Variants in ZSWIM6 observed in about 807,000 individuals in gnomAD.
ZSWIM6 encodes zinc finger SWIM domain-containing protein 6.
Under a neutral mutation model 113.2 loss-of-function variants are expected in ZSWIM6, and 9 were observed. That is an observed-to-expected ratio of 0.08 (90% CI 0.05 to 0.14). ZSWIM6 has a LOEUF of 0.14. Among genes scored for constraint, ZSWIM6 ranks in the 10% least tolerant of loss-of-function variants. The pLI, the probability that ZSWIM6 is intolerant of heterozygous loss-of-function variation, is 1.00. For synonymous variants in ZSWIM6, 611 were observed against 606.5 expected, an observed-to-expected ratio of 1.01 and a Z score of -0.11; for missense variants, 1,162 against 1,552.2, an observed-to-expected ratio of 0.75 and a Z score of 4.22.
chr5:61,365,312 A>G (rs1014199273), intron 1 of ZSWIM6, among the ~76,000 whole-genome samples: 2 of 151,438 alleles, frequency 1.3e-5, no homozygotes, highest in African/African-American at 2.4e-5. Context: ...AGATTGCACC[A>G]CTGCACTCCA....
At chr5:61,388,956 A>T (rs549002332) in intron 1 of ZSWIM6, among the ~76,000 whole-genome samples, 2 of 152,304 alleles carry the variant, frequency 1.3e-5, no homozygotes, top group Non-Finnish European at 2.9e-5. Flanking sequence ...AATATTCTAG[A>T]TCAGTGTTTC....
intron 1 of ZSWIM6, among the ~76,000 whole-genome samples, chr5:61,348,447 C>A (rs937490305): frequency 6.6e-6 from 1 of 152,048 alleles, no homozygotes; most frequent in Non-Finnish European, 1.5e-5. Context: ...TGTATAAAAA[C>A]TTTTCACATC....
At position 61,494,409 on chromosome 5, in the gene ZSWIM6, G is replaced by A. The variant is rs1748266677; in HGVS notation, c.1332G>A (p.Leu444=). ...AATACAGGCAGCTCTGGGATGAGCT[G>A]GGTAAGCATGTTTCCTCACAAATTA... The part of the protein sequence containing the change: ...TDKYRQLWDE[L]GALWMCIVLN... The change falls in exon 4 of 14, where the codon CTG becomes CTA. Residue 444 remains leucine (L), a splice_region_variant and synonymous_variant. Transcript: ENST00000252744. The A allele has an allele frequency of 1.3e-6, 2 of 1,550,684 alleles. No individual in the cohort carries two copies. The highest frequency in any genetic ancestry group is 2.7e-5 in the African/African-American group (2 of 73,064).
chr5:61,431,768 A>G (rs1746588555), intron 1 of ZSWIM6, among the ~76,000 whole-genome samples: 1 of 152,158 alleles, frequency 6.6e-6, no homozygotes, highest in Non-Finnish European at 1.5e-5. Context: ...CAAAAAAACA[A>G]AAAAAACTTT....
intron 1 of ZSWIM6, among the ~76,000 whole-genome samples, chr5:61,336,797 A>G (rs1411439206): frequency 6.6e-6 from 1 of 152,216 alleles, no homozygotes; most frequent in Non-Finnish European, 1.5e-5. Context: ...AGGGCTGAAA[A>G]CACTACAAAT....
intron 9 of ZSWIM6, among the ~76,000 whole-genome samples, chr5:61,533,048 C>G (rs1749482587): frequency 6.6e-6 from 1 of 152,196 alleles, no homozygotes; most frequent in East Asian, 1.9e-4. Flanking sequence ...AAATATGTCT[C>G]CATGTCCATT....
At chr5:61,403,256 T>TA (rs1745975427) in intron 1 of ZSWIM6, among the ~76,000 whole-genome samples, 1 of 152,254 alleles carries the variant, frequency 6.6e-6, no homozygotes, top group African/African-American at 2.4e-5. Context: ...GGCAGCCATT[T>TA]AAAATTGAGT....
chr5:61,366,804 C>T (rs1288116974), intron 1 of ZSWIM6, among the ~76,000 whole-genome samples: 2 of 151,942 alleles, frequency 1.3e-5, no homozygotes, highest in Admixed American at 6.6e-5. Context: ...TGGCGCACAC[C>T]TGTAGTCCCA....
chr5:61,505,178 G>A (rs1748569444), intron 4 of ZSWIM6, among the ~76,000 whole-genome samples: 1 of 152,082 alleles, frequency 6.6e-6, no homozygotes, highest in African/African-American at 2.4e-5. Flanking sequence ...ATGCTTAACT[G>A]GCTTAGTTGA....
At chr5:61,494,077 A>T (rs1748255069) in intron 3 of ZSWIM6, among the ~76,000 whole-genome samples, 183 bp from the exon 4 acceptor site, 1 of 151,772 alleles carries the variant, frequency 6.6e-6, no homozygotes, top group South Asian at 2.1e-4. Flanking sequence ...TTGTTTGCTT[A>T]AGAGGGCTGG....
intron 1 of ZSWIM6, among the ~76,000 whole-genome samples, chr5:61,339,067 T>C (rs941146053): frequency 7.2e-5 from 11 of 152,336 alleles, no homozygotes; most frequent in African/African-American, 2.6e-4. Context: ...TGGAAAGATA[T>C]GGACCAGCAT....
chr5:61,469,007 C>A (rs1037471858), intron 1 of ZSWIM6, among the ~76,000 whole-genome samples: 7 of 152,128 alleles, frequency 4.6e-5, no homozygotes, highest in African/African-American at 1.7e-4. Flanking sequence ...ACCCCCAGCC[C>A]CCGCCCGCCA....
intron 1 of ZSWIM6, among the ~76,000 whole-genome samples, chr5:61,407,608 T>C (rs1746070171): frequency 6.6e-6 from 1 of 152,080 alleles, no homozygotes; most frequent in Non-Finnish European, 1.5e-5. Context: ...AAACACTGCT[T>C]TTCGAAAAAC....
At chr5:61,375,389 GAAAGAAA>G (rs971254458) in intron 1 of ZSWIM6, 1 of 1,571,630 alleles carries the variant, frequency 6.4e-7, no homozygotes, top group African/African-American at 1.4e-5. Flanking sequence ...AAAAGACAGA[GAAAGAAA>G]AAAGAAAAGA....
chr5:61,496,739 C>G (rs80045378), intron 4 of ZSWIM6, among the ~76,000 whole-genome samples: 188 of 152,222 alleles, frequency 1.2e-3, no homozygotes, highest in African/African-American at 4.2e-3. Context: ...GTTCCCACTC[C>G]AACACCGCGC....
chr5:61,464,530 G>T lies in ZSWIM6; in HGVS notation c.677-8151G>T, dbSNP rs548825656. 1.6e-4 allele frequency among the ~76,000 whole-genome samples: 25 copies of T among 152,244 alleles called. No homozygotes were observed. In the South Asian group the frequency reaches 4.8e-3, roughly 29 times the overall value. On this transcript the variant is annotated intron_variant, in intron 1 of 13. Coordinates refer to ENST00000252744, the MANE Select transcript of ZSWIM6 (RefSeq NM_020928.2). ...TTTGCAGGATGGTTGTGAGAATTAAGTGGGTTAGAGCCTGGGCATAGGGCA... is the reference window on the plus strand; with the variant it reads ...TTTGCAGGATGGTTGTGAGAATTAATTGGGTTAGAGCCTGGGCATAGGGCA...
At chr5:61,453,725 T>A (rs910197207) in intron 1 of ZSWIM6, among the ~76,000 whole-genome samples, 6 of 151,958 alleles carry the variant, frequency 3.9e-5, no homozygotes, top group Non-Finnish European at 8.8e-5. Context: ...TTTTTTTTTT[T>A]TAAATTATTA....
chr5:61,471,465 C>T (rs934836167), intron 1 of ZSWIM6, among the ~76,000 whole-genome samples: 1 of 152,158 alleles, frequency 6.6e-6, no homozygotes, highest in East Asian at 1.9e-4. Flanking sequence ...AGGCAGTTTG[C>T]AGTTGATAGT....
chr5:61,384,619 C>T (rs1399060206), intron 1 of ZSWIM6, among the ~76,000 whole-genome samples: 3 of 152,186 alleles, frequency 2.0e-5, no homozygotes, highest in African/African-American at 7.2e-5. Flanking sequence ...TTGGATAAAA[C>T]TCAGGTGCTG....
Sources: allele counts gnomAD v4.1 joint callset (sites outside exome capture counted in the v4.1 genomes callset), GRCh38; gene constraint gnomAD v4.1.1; transcripts MANE v1.5; gene names NCBI Gene and HGNC (gene_info 2026-07-23, HGNC 2026-07-21).